Variants in SNRNP70 observed in about 807,000 individuals in gnomAD.
SNRNP70 encodes the protein U1 small nuclear ribonucleoprotein 70 kDa.
SNRNP70 carries 8 observed loss-of-function variants against 50.5 expected under a neutral mutation model. The observed-to-expected ratio is 0.16, with a 90% CI of 0.09 to 0.29. The LOEUF is 0.29. Ranked by LOEUF, SNRNP70 falls within the 10% of genes least tolerant of loss-of-function variation. SNRNP70 has a pLI of 1.00. For synonymous variants in SNRNP70, 320 were observed against 252.9 expected (o/e 1.27, Z -2.52); for missense variants, 529 against 663.5 (o/e 0.80, Z 2.23).
chr19:49,092,278 T>C (rs1047949374), intron 4 of SNRNP70, among the ~76,000 whole-genome samples: 2 of 150,670 alleles, frequency 1.3e-5, no homozygotes, highest in African/African-American at 4.9e-5. Context: ...CCAGCTAATT[T>C]TTGTATTTTT....
At chr19:49,092,553 C>T (rs1332744402) in intron 4 of SNRNP70, among the ~76,000 whole-genome samples, 10 of 152,094 alleles carry the variant, frequency 6.6e-5, no homozygotes, top group African/African-American at 1.7e-4. Flanking sequence ...GGACTACAGG[C>T]GTGCGCCACC....
At chr19:49,105,040 C>A (rs1334318526) in intron 8 of SNRNP70, among the ~76,000 whole-genome samples, 3 of 152,146 alleles carry the variant, frequency 2.0e-5, no homozygotes, top group African/African-American at 7.2e-5. Flanking sequence ...TGGAAATAAC[C>A]CCGAGTTCAC....
At chr19:49,095,100 C>T (rs1412761285) in intron 4 of SNRNP70, among the ~76,000 whole-genome samples, 6 of 152,274 alleles carry the variant, frequency 3.9e-5, no homozygotes, top group Non-Finnish European at 8.8e-5. Context: ...TGTTCTCTAT[C>T]TTCAGGACTT....
At chr19:49,090,195 G>C (rs1288096864) in intron 2 of SNRNP70, 96 bp from the exon 3 acceptor site, 12 of 1,010,452 alleles carry the variant, frequency 1.2e-5, no homozygotes, top group African/African-American at 1.6e-5. Flanking sequence ...TGTAGGGGGT[G>C]GGGGTGGGAG....
intron 6 of SNRNP70, among the ~76,000 whole-genome samples, chr19:49,099,219 C>T (rs1016794692): frequency 6.6e-6 from 1 of 152,140 alleles, no homozygotes; most frequent in Non-Finnish European, 1.5e-5. Flanking sequence ...GGCTTGAGGC[C>T]ATCCTACACA....
In SNRNP70 at chr19:49,107,683, C is replaced by T; in HGVS notation, c.636C>T (p.Gly212=). The T allele has an allele frequency of 6.2e-7, 1 of 1,614,156 alleles. No individual in the cohort carries two copies. The highest frequency in any genetic ancestry group is 8.5e-7 in the Non-Finnish European group (1 of 1,180,024). ...GGADVNIRHS[G]RDDTSRYDER... ...CTGATGTGAACATCCGGCATTCAGG[C>T]CGCGATGACACCTCCCGCTACGATG... Residue 212 remains glycine, a synonymous_variant, in exon 9 of 10, where the codon GGC becomes GGT. Coordinates refer to ENST00000598441, the MANE Select transcript of SNRNP70 (RefSeq NM_003089.6). The surrounding 1 kb of genome is among the most constrained non-coding windows in gnomAD (Gnocchi z 6.0).
chr19:49,090,352 A>G lies in SNRNP70; in HGVS notation c.209A>G (p.Lys70Arg). The change falls in exon 3 of 10, where the codon AAA (lysine) becomes AGA (arginine). Residue 70 changes from lysine (K) to arginine (R), a missense_variant and splice_region_variant. Physicochemically the swap from Lys to Arg is conservative, Grantham distance 26. Coordinates refer to ENST00000598441, the MANE Select transcript of SNRNP70 (RefSeq NM_003089.6). ...AETREERMER[K>R]RREKIERRQQ... The stretch of plus-strand genomic sequence containing the variant: ...ACCCGAGAGGAGCGCATGGAGAGGA[A>G]AGTATGTCATTTTTGCTTCCTGACC... 1 of 1,613,886 alleles carries G rather than the reference A, an allele frequency of 6.2e-7. No homozygotes were observed.
At chr19:49,102,454 C>A (rs1045210931) in intron 7 of SNRNP70, 3 of 276,024 alleles carry the variant, frequency 1.1e-5, no homozygotes, top group Non-Finnish European at 2.2e-5. Context: ...CTCTGATGAC[C>A]CGGCTTCGTG....
chr19:49,087,753 G>A (rs938716958), intron 2 of SNRNP70: 2 of 152,212 alleles, frequency 1.3e-5, no homozygotes, highest in African/African-American at 4.8e-5. Flanking sequence ...GAGTTGCAGA[G>A]CAGAATTTCG....
chr19:49,105,554 G>T (rs998867171), intron 8 of SNRNP70, among the ~76,000 whole-genome samples: 1 of 151,820 alleles, frequency 6.6e-6, no homozygotes, highest in African/African-American at 2.4e-5. Context: ...TGTTGAAACC[G>T]CATCTCTACT....
At position 49,106,297 on chromosome 19, in the gene SNRNP70, A is replaced by G. The variant is rs111476860; in HGVS notation, c.578-1328A>G. ...AATCTTCTAGTTCAATTGCCATTCA[A>G]ACTTTTTGTTGGTGTTAGCCAATAA... is the stretch of plus-strand genomic sequence containing the variant. On this transcript the variant is annotated intron_variant, in intron 8 of 9. Coordinates refer to ENST00000598441, the MANE Select transcript of SNRNP70 (RefSeq NM_003089.6). 5.3e-5 allele frequency among the ~76,000 whole-genome samples: 8 copies of G among 152,312 alleles called. 1 individual carries two copies. The highest frequency in any genetic ancestry group is 1.9e-4 in the African/African-American group (8 of 41,574).
At chr19:49,105,829 C>T (rs1025739103) in intron 8 of SNRNP70, among the ~76,000 whole-genome samples, 1 of 152,212 alleles carries the variant, frequency 6.6e-6, no homozygotes, top group Non-Finnish European at 1.5e-5. Context: ...GCAGCTAGGT[C>T]GGTCCCATGC....
At chr19:49,086,040 TG>T in intron 1 of SNRNP70, among the ~76,000 whole-genome samples, 1 of 152,298 alleles carries the variant, frequency 6.6e-6, no homozygotes, top group East Asian at 1.9e-4. Flanking sequence ...TCTCGTAATT[TG>T]CCCTCCACGG....
intron 4 of SNRNP70, among the ~76,000 whole-genome samples, chr19:49,097,370 C>G (rs1355268786): frequency 6.6e-6 from 1 of 152,120 alleles, no homozygotes; most frequent in Non-Finnish European, 1.5e-5. Context: ...GTGTCCAGCA[C>G]TGTGTCTGGG....
intron 8 of SNRNP70, among the ~76,000 whole-genome samples, chr19:49,106,038 G>GAC (rs1244522726): frequency 6.6e-6 from 1 of 152,220 alleles, no homozygotes; most frequent in Non-Finnish European, 1.5e-5. Context: ...TCCCTGGGCA[G>GAC]ACACCCAGGC....
chr19:49,093,032 C>G (rs1295326878), intron 4 of SNRNP70, among the ~76,000 whole-genome samples: 1 of 87,654 alleles, frequency 1.1e-5, no homozygotes, highest in Admixed American at 1.1e-4. Context: ...CTGTCTGCCT[C>G]GGCCCCCAGA....
chr19:49,101,519 C>T (rs1358112563), intron 7 of SNRNP70, 48 bp downstream of exon 7: 1 of 1,362,868 alleles, frequency 7.3e-7, no homozygotes, highest in South Asian at 1.2e-5. Flanking sequence ...TCTCACTTCT[C>T]TGCTGCCCCA....
chr19:49,100,801 G>C (rs1423491718), intron 6 of SNRNP70, among the ~76,000 whole-genome samples: 1 of 93,994 alleles, frequency 1.1e-5, no homozygotes, highest in East Asian at 2.6e-4. Flanking sequence ...GCAAGACTCT[G>C]TCTCCAAAAA....
At chr19:49,092,887 A>C (rs536034376) in intron 4 of SNRNP70, among the ~76,000 whole-genome samples, 21 of 140,432 alleles carry the variant, frequency 1.5e-4, no homozygotes, top group Admixed American at 5.6e-4. Flanking sequence ...GGTGTCAGCC[A>C]TTGTGCTCAG....
Sources: allele counts gnomAD v4.1 joint callset (sites outside exome capture counted in the v4.1 genomes callset), GRCh38; gene constraint gnomAD v4.1.1; non-coding constraint Gnocchi (gnomAD v3.1); transcripts MANE v1.5; gene names NCBI Gene and HGNC (gene_info 2026-07-23, HGNC 2026-07-21).